CADPS2: variants seen among roughly 807,000 people sequenced by gnomAD.
The protein encoded by CADPS2 is calcium-dependent secretion activator 2.
CADPS2 carries 93 observed loss-of-function variants against 172.5 expected under a neutral mutation model. The observed-to-expected ratio is 0.54, with a 90% CI of 0.46 to 0.64. The LOEUF (loss-of-function observed/expected upper bound fraction) is 0.64, where lower values mean the gene tolerates loss of function less well. CADPS2 is among the 30% of genes least tolerant of loss of function. The probability of loss-of-function intolerance (pLI) is 0.00; values close to 1 mark genes in which losing one functional copy is unlikely to be tolerated. For missense variants in CADPS2, 1,420 were observed against 1,565.9 expected, an observed-to-expected ratio of 0.91 and a Z score of 1.57; for synonymous variants, 546 against 555.2, an observed-to-expected ratio of 0.98 and a Z score of 0.23.
chr7:122,687,063 T>C (rs552782424), intron 2 of CADPS2, among the ~76,000 whole-genome samples: 3 of 152,176 alleles, frequency 2.0e-5, no homozygotes, highest in Non-Finnish European at 4.4e-5. Context: ...TTTTACCCCT[T>C]TTGAACTTCA....
chr7:122,576,971 G>A (rs913079984), intron 7 of CADPS2, among the ~76,000 whole-genome samples: 4 of 151,996 alleles, frequency 2.6e-5, no homozygotes, highest in Non-Finnish European at 5.9e-5. Context: ...ATGTTGGCTA[G>A]TCTGGTCTTG....
intron 5 of CADPS2, among the ~76,000 whole-genome samples, chr7:122,619,546 G>T (rs564629012): frequency 6.6e-6 from 1 of 152,110 alleles, no homozygotes; most frequent in Middle Eastern, 3.4e-3. Flanking sequence ...AGAATCACTT[G>T]AACCCAGGAA....
chr7:122,643,965 T>C (rs2077996654), intron 3 of CADPS2, among the ~76,000 whole-genome samples: 1 of 152,064 alleles, frequency 6.6e-6, no homozygotes, highest in Non-Finnish European at 1.5e-5. Context: ...AGCTCATGCC[T>C]GTAATCCCAT....
At chr7:122,838,272 A>C (rs1809218714) in intron 1 of CADPS2, among the ~76,000 whole-genome samples, 1 of 152,224 alleles carries the variant, frequency 6.6e-6, no homozygotes, top group Non-Finnish European at 1.5e-5. Context: ...CATTGATGGG[A>C]CATATCTCAA....
At chr7:122,815,853 T>C (rs1801209775) in intron 1 of CADPS2, among the ~76,000 whole-genome samples, 1 of 152,164 alleles carries the variant, frequency 6.6e-6, no homozygotes, top group Non-Finnish European at 1.5e-5. Flanking sequence ...GAAGTTCTGC[T>C]TTCTCGAAGG....
intron 1 of CADPS2, among the ~76,000 whole-genome samples, chr7:122,868,365 G>T (rs1344881260): frequency 6.6e-6 from 1 of 152,066 alleles, no homozygotes; most frequent in Non-Finnish European, 1.5e-5. Context: ...CAGAATGAGT[G>T]GGGGATAAAT....
chr7:122,707,832 C>T (rs1253202972), intron 2 of CADPS2, among the ~76,000 whole-genome samples: 4 of 151,424 alleles, frequency 2.6e-5, no homozygotes, highest in South Asian at 4.2e-4. Flanking sequence ...TTGCAAGCAT[C>T]TCCTCTAATT....
chr7:122,493,540 AG>A (rs2058481160), intron 9 of CADPS2, among the ~76,000 whole-genome samples: 1 of 152,212 alleles, frequency 6.6e-6, no homozygotes, highest in Non-Finnish European at 1.5e-5. Context: ...AATGCTGATT[AG>A]ATAAGCAAAA....
intron 2 of CADPS2, chr7:122,698,112 A>G (rs1277682878): frequency 1.2e-6 from 2 of 1,614,054 alleles, no homozygotes; most frequent in South Asian, 1.1e-5. Context: ...TCAGAATACG[A>G]ACTATGTCAT....
At chr7:122,691,067 C>T (rs1013271472) in intron 2 of CADPS2, among the ~76,000 whole-genome samples, 1 of 152,236 alleles carries the variant, frequency 6.6e-6, no homozygotes, top group African/African-American at 2.4e-5. Flanking sequence ...GACTTGTACT[C>T]AGCATACTCC....
At chr7:122,546,439 T>C (rs1423412717) in intron 8 of CADPS2, among the ~76,000 whole-genome samples, 1 of 152,204 alleles carries the variant, frequency 6.6e-6, no homozygotes, top group Admixed American at 6.5e-5. Flanking sequence ...TAGACAAGCT[T>C]GGACTACTTT....
At chr7:122,582,780 T>C (rs1229222046) in intron 6 of CADPS2, among the ~76,000 whole-genome samples, 4 of 151,992 alleles carry the variant, frequency 2.6e-5, no homozygotes, top group Non-Finnish European at 5.9e-5. Context: ...TGGGAGGCAT[T>C]CTCTTATAAC....
At chr7:122,690,171 C>G (rs2084150477) in intron 2 of CADPS2, among the ~76,000 whole-genome samples, 1 of 152,196 alleles carries the variant, frequency 6.6e-6, no homozygotes, top group African/African-American at 2.4e-5. Context: ...ACAAAGCAAG[C>G]ACGGATACTA....
intron 3 of CADPS2, among the ~76,000 whole-genome samples, chr7:122,660,163 TAGAA>T (rs1391548704): frequency 4.6e-5 from 7 of 152,200 alleles, no homozygotes; most frequent in African/African-American, 1.4e-4. Context: ...AAAGCAATAA[TAGAA>T]AGAATATATT....
intron 7 of CADPS2, among the ~76,000 whole-genome samples, chr7:122,570,618 G>C (rs1249971001): frequency 6.7e-6 from 1 of 150,158 alleles, no homozygotes; most frequent in Non-Finnish European, 1.5e-5. Context: ...CAATAGCAAA[G>C]ACTTGGAACC....
At chr7:122,565,771 G>T (rs2066386132) in intron 7 of CADPS2, among the ~76,000 whole-genome samples, 2 of 152,110 alleles carry the variant, frequency 1.3e-5, no homozygotes, top group Non-Finnish European at 2.9e-5. Flanking sequence ...ATCTAACATA[G>T]TTTTTGTGTA....
At chr7:122,599,258 G>A (rs928666694) in intron 6 of CADPS2, among the ~76,000 whole-genome samples, 3 of 152,004 alleles carry the variant, frequency 2.0e-5, no homozygotes, top group Admixed American at 2.0e-4. Flanking sequence ...ATACCATACA[G>A]CATAGAATCT....
intron 2 of CADPS2, among the ~76,000 whole-genome samples, chr7:122,673,955 G>T (rs1025699629): frequency 6.6e-6 from 1 of 152,056 alleles, no homozygotes; most frequent in African/African-American, 2.4e-5. Context: ...ATGGCGGGCT[G>T]CAGGTCCCCA....
At chr7:122,569,782 A>G (rs1374355217) in intron 7 of CADPS2, among the ~76,000 whole-genome samples, 1 of 146,624 alleles carries the variant, frequency 6.8e-6, no homozygotes, top group Non-Finnish European at 1.5e-5. Flanking sequence ...GCAATGGGGA[A>G]AGGATTCCCT....
Sources: gnomAD v4.1 joint callset for allele counts (sites outside exome capture counted in the v4.1 genomes callset) on GRCh38, gnomAD v4.1.1 for gene constraint, MANE v1.5 for transcripts, NCBI Gene and HGNC (gene_info 2026-07-23, HGNC 2026-07-21) for gene names.